QPCT: variants seen among roughly 807,000 people sequenced by gnomAD.
The protein encoded by QPCT is glutaminyl-peptide cyclotransferase, also known as EC.
In QPCT, 44 loss-of-function variants were observed where a neutral mutation model predicts 43.4. The ratio of observed to expected loss-of-function variants is 1.01; its 90% CI spans 0.80 to 1.30. The LOEUF (loss-of-function observed/expected upper bound fraction) is 1.30, where lower values mean the gene tolerates loss of function less well. QPCT is among the 50% of genes most tolerant of loss of function. The probability of loss-of-function intolerance (pLI) is 0.00; values close to 1 mark genes in which losing one functional copy is unlikely to be tolerated. For missense variants in QPCT, 526 were observed against 436.5 expected, an observed-to-expected ratio of 1.21 and a Z score of -1.83; for synonymous variants, 168 against 168.4, an observed-to-expected ratio of 1.00 and a Z score of 0.02.
chr2:37,365,912 T>G (rs1385546151), intron 3 of QPCT, among the ~76,000 whole-genome samples: 2 of 152,206 alleles, frequency 1.3e-5, no homozygotes, highest in African/African-American at 4.8e-5. Flanking sequence ...GTCATGAACT[T>G]TAAGCAAGGC....
At chr2:37,357,597 T>C (rs546758759) in intron 2 of QPCT, among the ~76,000 whole-genome samples, 1 of 152,326 alleles carries the variant, frequency 6.6e-6, no homozygotes, top group African/African-American at 2.4e-5. Flanking sequence ...TAAGACAGCA[T>C]GTAAATTTGC....
At chr2:37,372,558 C>T in intron 6 of QPCT, 86 bp downstream of exon 6, 1 of 1,464,598 alleles carries the variant, frequency 6.8e-7, no homozygotes, top group African/African-American at 1.4e-5. Flanking sequence ...AGAAAGTACA[C>T]AGATGATGAT....
In QPCT at chr2:37,347,153, T is replaced by TATATATATATATC. The variant is rs1411776943; in HGVS notation, c.120+2313_120+2314insTCATATATATATA. Among the ~76,000 whole-genome samples the TATATATATATATC allele has an allele frequency of 1.1e-3, 63 of 57,110 alleles. 20 individuals carry two copies. The East Asian group carries it at 0.1, about 94-fold the overall frequency. 37.5% of individuals were successfully genotyped at this position (57,110 alleles called of 152,430 possible). A position where few individuals can be genotyped will look rare whatever the true frequency, so the allele number is the denominator to read the frequency against. On this transcript the variant is annotated intron_variant, in intron 1 of 6. Transcript: ENST00000338415. ...CTGGGTATGGGGTGTTTTATATATA[T>TATATATATATATC]ATATATATATAACATATATATATAT...
Position 37,359,352 on chromosome 2 carries a change from A to G in QPCT, c.268-228A>G, listed in dbSNP as rs564238355. On this transcript the variant is annotated intron_variant, in intron 2 of 6. Transcript: ENST00000338415. The stretch of plus-strand genomic sequence containing the variant: ...TGGTTGAGATTGATTAGTAAGGGGA[A>G]GTTTAAGGGAGAGGCAAGAGGATTA... Among the ~76,000 whole-genome samples, 117 of 152,352 alleles carry G rather than the reference A, an allele frequency of 7.7e-4. 1 individual carries two copies. The highest frequency in any genetic ancestry group is 2.8e-3 in the African/African-American group (115 of 41,584).
chr2:37,361,743 G>A (rs2124938871), intron 3 of QPCT, among the ~76,000 whole-genome samples: 1 of 152,242 alleles, frequency 6.6e-6, no homozygotes, highest in Non-Finnish European at 1.5e-5. Context: ...GATACATAAT[G>A]GTATTTTAAG....
At chr2:37,348,278 A>G (rs1393903941) in intron 1 of QPCT, among the ~76,000 whole-genome samples, 1 of 152,168 alleles carries the variant, frequency 6.6e-6, no homozygotes, top group Non-Finnish European at 1.5e-5. Flanking sequence ...CACAGCTAAT[A>G]AGCGAGGGAG....
chr2:37,345,175 G>A (rs1022799596), intron 1 of QPCT, among the ~76,000 whole-genome samples: 5 of 152,176 alleles, frequency 3.3e-5, no homozygotes, highest in Non-Finnish European at 7.3e-5. Flanking sequence ...AGGCGAGGGC[G>A]CATCGCGGCG....
At chr2:37,353,785 T>C (rs183579787) in intron 2 of QPCT, among the ~76,000 whole-genome samples, 107 of 152,346 alleles carry the variant, frequency 7.0e-4, no homozygotes, top group Non-Finnish European at 6.8e-4. Flanking sequence ...TCACATCCTC[T>C]TCTGAAACTC....
At chr2:37,365,297 G>A (rs1672940213) in intron 3 of QPCT, among the ~76,000 whole-genome samples, 1 of 152,268 alleles carries the variant, frequency 6.6e-6, no homozygotes, top group South Asian at 2.1e-4. Context: ...ACCAAATGAA[G>A]CAAGTGTAGC....
At chr2:37,346,737 T>C (rs866231335) in intron 1 of QPCT, among the ~76,000 whole-genome samples, 2 of 152,188 alleles carry the variant, frequency 1.3e-5, no homozygotes, top group African/African-American at 4.8e-5. Flanking sequence ...AGTTTCTAGC[T>C]TCCTCCCCTT....
At chr2:37,348,863 T>A (rs1027145693) in intron 1 of QPCT, among the ~76,000 whole-genome samples, 2 of 152,178 alleles carry the variant, frequency 1.3e-5, no homozygotes, top group African/African-American at 4.8e-5. Context: ...AAACCTACAA[T>A]AAATTGGGGT....
chr2:37,347,517 ACT>A (rs1234637638), intron 1 of QPCT, among the ~76,000 whole-genome samples: 1 of 151,626 alleles, frequency 6.6e-6, no homozygotes, highest in Non-Finnish European at 1.5e-5. Flanking sequence ...TGAAGAGCTT[ACT>A]CTCTCTTTCT....
chr2:37,367,370 C>T lies in QPCT; in HGVS notation c.685C>T (p.Pro229Ser). 1 of 1,613,880 alleles carries T rather than the reference C, an allele frequency of 6.2e-7. No individual in the cohort carries two copies. Among genetic ancestry groups the T allele is most frequent in the Non-Finnish European group, 8.5e-7 (1 of 1,179,860 alleles). ...TGCAAAGATGGCATCGACCCCGCAC[C>T]CACCTGGAGCGAGAGGCACCAGCCA... ...LAAKMASTPH[P>S]PGARGTSQLH... Residue 229 changes from proline to serine, a missense_variant, in exon 4 of 7, where the codon CCA becomes TCA. Coordinates refer to ENST00000338415, the MANE Select transcript of QPCT (RefSeq NM_012413.4).
chr2:37,364,742 AG>A (rs1558605885), intron 3 of QPCT, among the ~76,000 whole-genome samples: 1 of 152,166 alleles, frequency 6.6e-6, no homozygotes, highest in Non-Finnish European at 1.5e-5. Flanking sequence ...GGGGAACCTC[AG>A]GAGATGAGTT....
chr2:37,356,018 C>A (rs1214869839), intron 2 of QPCT, among the ~76,000 whole-genome samples: 5 of 152,136 alleles, frequency 3.3e-5, no homozygotes, highest in Non-Finnish European at 7.3e-5. Context: ...CTTCAGGTGG[C>A]AGATGTCCGC....
chr2:37,349,699 G>A (rs893875546), intron 1 of QPCT, among the ~76,000 whole-genome samples: 2 of 152,154 alleles, frequency 1.3e-5, no homozygotes, highest in African/African-American at 4.8e-5. Flanking sequence ...TCGAATGTCA[G>A]AAATTCAAAA....
At chr2:37,351,363 T>C (rs1180179280) in intron 1 of QPCT, among the ~76,000 whole-genome samples, 1 of 152,222 alleles carries the variant, frequency 6.6e-6, no homozygotes, top group Non-Finnish European at 1.5e-5. Context: ...AGGTGCCTGA[T>C]AAACATGTAA....
intron 2 of QPCT, among the ~76,000 whole-genome samples, chr2:37,359,140 C>T (rs973898466): frequency 2.3e-4 from 35 of 152,034 alleles, no homozygotes; most frequent in African/African-American, 7.7e-4. Context: ...TAGACATGTC[C>T]ATAATATATT....
intron 3 of QPCT, 134 bp downstream of exon 3, chr2:37,359,992 T>G: frequency 1.0e-6 from 1 of 957,792 alleles, no homozygotes; most frequent in Non-Finnish European, 1.5e-6. Context: ...TTATGAACAT[T>G]AATTGTAAGA....
Sources: allele counts gnomAD v4.1 joint callset (sites outside exome capture counted in the v4.1 genomes callset), GRCh38; gene constraint gnomAD v4.1.1; transcripts MANE v1.5; gene names NCBI Gene and HGNC (gene_info 2026-07-23, HGNC 2026-07-21).